Variants in FAT1 observed in about 807,000 individuals in gnomAD.
The protein encoded by FAT1 is FAT atypical cadherin 1.
FAT1 carries 171 observed loss-of-function variants against 329.8 expected under a neutral mutation model. The ratio of observed to expected loss-of-function variants is 0.52; its 90% CI spans 0.46 to 0.59. The LOEUF is 0.59. Ranked by LOEUF, FAT1 falls within the 20% of genes least tolerant of loss-of-function variation. The pLI, the probability that FAT1 is intolerant of heterozygous loss-of-function variation, is 0.00. For missense variants in FAT1, 5,672 were observed against 5,774.4 expected (o/e 0.98, Z 0.57); for synonymous variants, 2,233 against 2,228.6 (o/e 1.00, Z -0.06).
At chr4:186,636,494 A>G (rs1740823449) in intron 5 of FAT1, 91 bp downstream of exon 5, 11 of 1,363,316 alleles carry the variant, frequency 8.1e-6, no homozygotes, top group Non-Finnish European at 1.1e-5. Flanking sequence ...AGCCGTTTAC[A>G]AAATAGAAAT....
intron 9 of FAT1, among the ~76,000 whole-genome samples, chr4:186,625,967 G>C (rs535048659): frequency 6.9e-6 from 1 of 145,678 alleles, no homozygotes; most frequent in Non-Finnish European, 1.5e-5. Flanking sequence ...AATGAATGAG[G>C]GACCAACATG....
At chr4:186,695,564 G>A (rs955805271) in intron 2 of FAT1, among the ~76,000 whole-genome samples, 3 of 152,028 alleles carry the variant, frequency 2.0e-5, no homozygotes, top group Admixed American at 6.6e-5. Context: ...TTAGTATTTT[G>A]TTACAATCTA....
At position 186,618,064 on chromosome 4, in the gene FAT1, T is replaced by C. The variant is rs369621859; in HGVS notation, c.8522A>G (p.Asn2841Ser). The C allele has an allele frequency of 3.1e-6, 5 of 1,613,890 alleles. No homozygotes were observed. The African/African-American group carries it at 5.3e-5, about 17-fold the overall frequency. ...IRASDADSGT[N>S]GQVMYSLDQS... ...ATCCAGGCTATACATAACTTGGCCG[T>C]TGGTTCCTGAGTCAGCATCAGATGC... Residue 2841 changes from asparagine to serine, a missense_variant, in exon 10 of 27, where the codon AAC becomes AGC. Around this residue, in one of 2 missense-constraint regions of FAT1, gnomAD observed 3,966 missense variants for 3,915.2 expected, o/e 1.01. Coordinates refer to ENST00000441802, the MANE Select transcript of FAT1 (RefSeq NM_005245.4).
At chr4:186,608,851 A>C (rs1037916339) in intron 16 of FAT1, among the ~76,000 whole-genome samples, 4 of 152,180 alleles carry the variant, frequency 2.6e-5, no homozygotes, top group Non-Finnish European at 5.9e-5. Context: ...CCTCGCTGGA[A>C]ATTCCCTTCT....
chr4:186,600,337 G>A lies in FAT1; in HGVS notation c.11664C>T (p.Tyr3888=), dbSNP rs1007363014. 4 of 1,612,610 alleles carry A rather than the reference G, an allele frequency of 2.5e-6. No homozygotes were observed. In the Admixed American group the frequency reaches 5.0e-5, roughly 20 times the overall value. ...CAGGGCCACTTCCACAGTCAAACTT[G>A]TACTGCAGCCTTCCATGATGAATCT... ...ILEIHHGRLQ[Y]KFDCGSGPGI... The change falls in exon 22 of 27, where the codon TAC becomes TAT. Residue 3888 remains tyrosine (Y), a synonymous_variant. Transcript: ENST00000441802.
rs1170468502 is a variant in FAT1, at chr4:186,707,060, T to G, written c.2768A>C (p.Asn923Thr). 6.2e-7 allele frequency: 1 copy of G among 1,613,926 alleles called. No homozygotes were observed. Among genetic ancestry groups the G allele is most frequent in the Non-Finnish European group, 8.5e-7 (1 of 1,179,888 alleles). The stretch of plus-strand genomic sequence containing the variant: ...ATTAGGTGGAATAAATGTAGGTGGG[T>G]TGTCATTAACATCTTCTAGTGATAC... ...VKVSLEDVND[N>T]PPTFIPPNYR... The change falls in exon 2 of 27, where the codon AAC (asparagine) becomes ACC (threonine). Residue 923 changes from asparagine to threonine, a missense_variant. Physicochemically the swap from Asn to Thr is moderately conservative, Grantham distance 65 (BLOSUM62 0). Around this residue, in one of 2 missense-constraint regions of FAT1, gnomAD observed 3,966 missense variants for 3,915.2 expected, o/e 1.01. Coordinates refer to ENST00000441802, the MANE Select transcript of FAT1 (RefSeq NM_005245.4).
Position 186,589,114 on chromosome 4 carries a change from T to G in FAT1, c.13245A>C (p.Ala4415=). 1 of 1,613,944 alleles carries G rather than the reference T, an allele frequency of 6.2e-7. No homozygotes were observed. The highest frequency in any genetic ancestry group is 8.5e-7 in the Non-Finnish European group (1 of 1,179,872). The change falls in exon 27 of 27, where the codon GCA becomes GCC. Residue 4415 remains alanine, a synonymous_variant. Transcript: ENST00000441802. Reference sequence around the variant, plus strand: ...AGTCCGTATCGATGGCGTTTGGATCTGCTGAGTACAGGGGTGTCTGCTCAT... The same window carrying G: ...AGTCCGTATCGATGGCGTTTGGATCGGCTGAGTACAGGGGTGTCTGCTCAT... ...VIDEQTPLYS[A]DPNAIDTDYY... is the part of the protein sequence containing the mutation.
chr4:186,694,155 A>G (rs1743919754), intron 2 of FAT1, among the ~76,000 whole-genome samples: 1 of 151,992 alleles, frequency 6.6e-6, no homozygotes, highest in Non-Finnish European at 1.5e-5. Context: ...TACTAATCCA[A>G]CCACCATCTT....
chr4:186,612,912 A>C (rs1739519808), intron 13 of FAT1, among the ~76,000 whole-genome samples, 197 bp downstream of exon 13: 1 of 152,238 alleles, frequency 6.6e-6, no homozygotes, highest in Non-Finnish European at 1.5e-5. Flanking sequence ...CAGTAGGTTC[A>C]CTGGGCACAA....
intron 2 of FAT1, among the ~76,000 whole-genome samples, chr4:186,668,473 G>C (rs1742568946): frequency 6.6e-6 from 1 of 152,188 alleles, no homozygotes; most frequent in Admixed American, 6.5e-5. Flanking sequence ...GAAATGATTT[G>C]TCCAACTCCA....
chr4:186,709,411 C>G lies in FAT1; in HGVS notation c.417G>C (p.Val139=), dbSNP rs1332882239. The change falls in exon 2 of 27, where the codon GTG becomes GTC. Residue 139 remains valine, a synonymous_variant. Coordinates refer to ENST00000441802, the MANE Select transcript of FAT1 (RefSeq NM_005245.4). ...ACGGTCTCAAGTCATTTGTATCCAG[C>G]ACCTGCACCCTGACCTTTGTTCGCG... ...VEARTKVRVQ[V]LDTNDLRPLF... is the part of the protein sequence containing the mutation. The G allele has an allele frequency of 1.2e-6, 2 of 1,613,834 alleles. No individual in the cohort carries two copies. Among genetic ancestry groups the G allele is most frequent in the South Asian group, 2.2e-5 (2 of 91,078 alleles).
intron 11 of FAT1, among the ~76,000 whole-genome samples, chr4:186,616,737 G>A (rs1264882228): frequency 1.3e-5 from 2 of 152,188 alleles, no homozygotes; most frequent in Admixed American, 6.5e-5. Flanking sequence ...ATCCCCTCAT[G>A]AAAAGGTTAC....
In FAT1 at chr4:186,707,907, G is replaced by A. The variant is rs2126692269; in HGVS notation, c.1921C>T (p.His641Tyr). The A allele has an allele frequency of 6.2e-7, 1 of 1,613,946 alleles. No homozygotes were observed. The highest frequency in any genetic ancestry group is 1.3e-5 in the African/African-American group (1 of 75,028). ...TCTGTAGCTGTGATTCTCAGACTGT[G>A]GAAAGACACCTTTGCACCTAAGCCA... ...MDGLGAKVSF[H>Y]SLRITATDGE... Residue 641 changes from histidine (H) to tyrosine (Y), a missense_variant, in exon 2 of 27, where the codon CAC (histidine) becomes TAC (tyrosine). Transcript: ENST00000441802.
At chr4:186,639,888 T>C in intron 3 of FAT1, 105 bp from the exon 4 acceptor site, 1 of 950,018 alleles carries the variant, frequency 1.1e-6, no homozygotes, top group South Asian at 1.5e-5. Flanking sequence ...CATGCCTTAA[T>C]CCCAGCACTT....
In FAT1 at chr4:186,597,638, G is replaced by A. The variant is rs376617534; in HGVS notation, c.12368+44C>T. 29 of 1,391,534 alleles carry A rather than the reference G, an allele frequency of 2.1e-5. No homozygotes were observed. The African/African-American group carries it at 2.4e-4, about 12-fold the overall frequency. The allele number at this position is 1,391,534 out of a possible 1,614,324, so 86.2% of individuals were successfully genotyped here. On this transcript the variant is annotated intron_variant, in intron 24 of 26. Coordinates refer to ENST00000441802, the MANE Select transcript of FAT1 (RefSeq NM_005245.4). Reference sequence around the variant, plus strand: ...TGTTGCATCTGCCAGTCAATATGACGCTATGAAAAGGTATGAACCTAAATT... The same window carrying A: ...TGTTGCATCTGCCAGTCAATATGACACTATGAAAAGGTATGAACCTAAATT...
intron 12 of FAT1, among the ~76,000 whole-genome samples, chr4:186,613,822 A>C (rs1739578244): frequency 6.6e-6 from 1 of 152,224 alleles, no homozygotes; most frequent in South Asian, 2.1e-4. Context: ...AAATTATGCT[A>C]AGTTATAAAT....
chr4:186,611,656 A>T lies in FAT1; in HGVS notation c.9583T>A (p.Tyr3195Asn), dbSNP rs146471129. The stretch of plus-strand genomic sequence containing the variant: ...TCCACAGCTTTCAAAGAGAGGGTGT[A>T]TACTGCCTGGAGTTCTCTGTCCAAA... Reference protein sequence around the residue: ...KPLDRELQAVYTLSLKAVDQG... With the variant: ...KPLDRELQAVNTLSLKAVDQG... The change falls in exon 14 of 27, where the codon TAC becomes AAC. Residue 3195 changes from tyrosine (Y) to asparagine (N), a missense_variant. Physicochemically the swap from Tyr to Asn is moderately radical, Grantham distance 143. Around this residue, in one of 2 missense-constraint regions of FAT1, gnomAD observed 1,706 missense variants for 1,859.1 expected, o/e 0.92. Transcript: ENST00000441802. 1,192 of 1,613,018 alleles carry T rather than the reference A, an allele frequency of 7.4e-4. No individual in the cohort carries two copies. Among genetic ancestry groups the T allele is most frequent in the Non-Finnish European group, 9.3e-4 (1,094 of 1,179,440 alleles).
chr4:186,716,141 G>A (rs534357939), intron 1 of FAT1, among the ~76,000 whole-genome samples: 3 of 152,092 alleles, frequency 2.0e-5, no homozygotes, highest in East Asian at 1.9e-4. Flanking sequence ...TCTGTTAAAC[G>A]CCGCATATTT....
intron 2 of FAT1, among the ~76,000 whole-genome samples, chr4:186,684,661 GA>G (rs1193798061): frequency 1.2e-4 from 7 of 56,334 alleles, no homozygotes; most frequent in African/African-American, 6.2e-4. Flanking sequence ...TAACTTGGGG[GA>G]TAAGAGGGAA....
Sources: gnomAD v4.1 joint callset for allele counts (sites outside exome capture counted in the v4.1 genomes callset) on GRCh38, gnomAD v4.1.1 for gene constraint, gnomAD v4.1.1 regional missense constraint, MANE v1.5 for transcripts, NCBI Gene and HGNC (gene_info 2026-07-23, HGNC 2026-07-21) for gene names.